Variants in R3HDM2 observed in about 807,000 individuals in gnomAD.
R3HDM2 encodes the protein R3H domain-containing protein 2.
Under a neutral mutation model 124.5 loss-of-function variants are expected in R3HDM2, and 38 were observed. The ratio of observed to expected loss-of-function variants is 0.31; its 90% CI spans 0.24 to 0.40. R3HDM2 has a LOEUF of 0.40. Among genes scored for constraint, R3HDM2 ranks in the 10% least tolerant of loss-of-function variants. The pLI is 1.00. For synonymous variants in R3HDM2, 391 were observed against 448.0 expected (o/e 0.87, Z 1.61); for missense variants, 869 against 1,236.9 (o/e 0.70, Z 4.46).
At chr12:57,413,881 C>T (rs1302975602) in intron 1 of R3HDM2, among the ~76,000 whole-genome samples, 3 of 132,756 alleles carry the variant, frequency 2.3e-5, no homozygotes, top group Non-Finnish European at 4.7e-5. Context: ...GAGTCTCACG[C>T]TGTCACCTAG....
chr12:57,342,242 T>C (rs1341771713), intron 2 of R3HDM2, among the ~76,000 whole-genome samples: 1 of 152,196 alleles, frequency 6.6e-6, no homozygotes, highest in Admixed American at 6.5e-5. Flanking sequence ...AGATCTGTTC[T>C]GCCGGAATTT....
At chr12:57,368,200 C>CT (rs2062882730) in intron 2 of R3HDM2, among the ~76,000 whole-genome samples, 1 of 151,872 alleles carries the variant, frequency 6.6e-6, no homozygotes, top group Admixed American at 6.6e-5. Context: ...CTTGGATCTA[C>CT]TTTTTAAAAA....
chr12:57,384,248 G>C (rs540968824), intron 2 of R3HDM2, among the ~76,000 whole-genome samples: 2 of 152,024 alleles, frequency 1.3e-5, no homozygotes, highest in African/African-American at 4.8e-5. Flanking sequence ...CAGCTACTCG[G>C]GAGGCTGAGG....
intron 2 of R3HDM2, among the ~76,000 whole-genome samples, chr12:57,391,113 T>C (rs1172572541): frequency 6.6e-6 from 1 of 151,960 alleles, no homozygotes; most frequent in Non-Finnish European, 1.5e-5. Flanking sequence ...TAAAAACTAA[T>C]AATTATACAA....
At chr12:57,401,478 G>C (rs2068046808) in intron 1 of R3HDM2, among the ~76,000 whole-genome samples, 1 of 152,174 alleles carries the variant, frequency 6.6e-6, no homozygotes, top group Admixed American at 6.6e-5. Flanking sequence ...GAACACAAAT[G>C]AGTGAGCCCA....
chr12:57,357,248 G>C (rs1185058096), intron 2 of R3HDM2, among the ~76,000 whole-genome samples: 1 of 152,100 alleles, frequency 6.6e-6, no homozygotes, highest in Admixed American at 6.6e-5. Context: ...AATCACCTGA[G>C]GTCAGGAATT....
At chr12:57,417,132 C>T (rs562355990) in intron 1 of R3HDM2, among the ~76,000 whole-genome samples, 2 of 147,302 alleles carry the variant, frequency 1.4e-5, no homozygotes, top group African/African-American at 2.5e-5. Flanking sequence ...ACAACAAAAA[C>T]AAAAAAAGCC....
At chr12:57,275,970 CACTTTG>C (rs1292516363) in intron 14 of R3HDM2, among the ~76,000 whole-genome samples, 1 of 152,156 alleles carries the variant, frequency 6.6e-6, no homozygotes, top group Non-Finnish European at 1.5e-5. Context: ...GTAATCCCAG[CACTTTG>C]GGAGGCCAAG....
intron 3 of R3HDM2, among the ~76,000 whole-genome samples, chr12:57,304,075 A>G (rs2051960523): frequency 6.6e-6 from 1 of 152,162 alleles, no homozygotes; most frequent in Admixed American, 6.5e-5. Context: ...AACTTGAGAT[A>G]CCCAAAATAT....
Position 57,283,947 on chromosome 12 carries a change from A to T in R3HDM2, c.1048T>A (p.Ser350Thr). ...ACAGGGGGTCGCATGCTCCGGACAG[A>T]GCCATCAGAGTCTGTGCTGCTCCAA... ...RPWSSTDSDG[S>T]VRSMRPPVTK... The change falls in exon 13 of 24, where the codon TCT becomes ACT. Residue 350 changes from serine to threonine, a missense_variant. By Grantham distance (58) the Ser-to-Thr change is moderately conservative. Around this residue, in one of 2 missense-constraint regions of R3HDM2, gnomAD observed 267 missense variants for 447.7 expected, o/e 0.60. Transcript: ENST00000402412. 6.2e-7 allele frequency: 1 copy of T among 1,614,128 alleles called. No homozygotes were observed. Among genetic ancestry groups the T allele is most frequent in the Middle Eastern group, 1.6e-4 (1 of 6,062 alleles).
At chr12:57,372,552 T>C (rs557369141) in intron 2 of R3HDM2, among the ~76,000 whole-genome samples, 1 of 152,242 alleles carries the variant, frequency 6.6e-6, no homozygotes, top group African/African-American at 2.4e-5. Context: ...AATCAAATAT[T>C]TTTCAGGAAT....
intron 2 of R3HDM2, among the ~76,000 whole-genome samples, chr12:57,371,368 A>C (rs1322050812): frequency 6.6e-6 from 1 of 152,122 alleles, no homozygotes; most frequent in African/African-American, 2.4e-5. Flanking sequence ...GAACGAAAAC[A>C]AAAAAGAAAC....
intron 14 of R3HDM2, among the ~76,000 whole-genome samples, chr12:57,274,490 C>T (rs1158252032): frequency 1.3e-5 from 2 of 152,178 alleles, no homozygotes; most frequent in African/African-American, 4.8e-5. Context: ...CAAAACAAAA[C>T]AAAACAAAAC....
chr12:57,430,592 C>G (rs1036313589), intron 1 of R3HDM2, 128 bp downstream of exon 1: 14 of 984,958 alleles, frequency 1.4e-5, no homozygotes, highest in South Asian at 1.4e-4. Context: ...CCATCGTCCC[C>G]GGGACCGGCT....
intron 2 of R3HDM2, among the ~76,000 whole-genome samples, chr12:57,337,970 T>A (rs558536802): frequency 6.6e-6 from 1 of 152,218 alleles, no homozygotes; most frequent in Non-Finnish European, 1.5e-5. Context: ...TTTTTAATTT[T>A]TATGATTAGA....
intron 2 of R3HDM2, among the ~76,000 whole-genome samples, chr12:57,345,902 G>A (rs1298790727): frequency 6.6e-6 from 1 of 152,146 alleles, no homozygotes; most frequent in African/African-American, 2.4e-5. Flanking sequence ...GCTCACGCCT[G>A]TAATCCCAGC....
intron 1 of R3HDM2, among the ~76,000 whole-genome samples, chr12:57,418,912 C>T (rs1304395602): frequency 6.6e-6 from 1 of 152,200 alleles, no homozygotes; most frequent in African/African-American, 2.4e-5. Context: ...GTGTCACTCC[C>T]TCTACTCTAA....
chr12:57,411,587 A>C (rs1225717284), intron 1 of R3HDM2, among the ~76,000 whole-genome samples: 1 of 152,226 alleles, frequency 6.6e-6, no homozygotes, highest in African/African-American at 2.4e-5. Flanking sequence ...CCTTCAGTGC[A>C]AAATATTTTT....
At chr12:57,298,472 A>C (rs1332843684) in intron 6 of R3HDM2, among the ~76,000 whole-genome samples, 1 of 152,208 alleles carries the variant, frequency 6.6e-6, no homozygotes, top group Non-Finnish European at 1.5e-5. Flanking sequence ...TTATTAAGGA[A>C]AATAAATTCC....
Sources: gnomAD v4.1 joint callset for allele counts (sites outside exome capture counted in the v4.1 genomes callset) on GRCh38, gnomAD v4.1.1 for gene constraint, gnomAD v4.1.1 regional missense constraint, MANE v1.5 for transcripts, NCBI Gene and HGNC (gene_info 2026-07-23, HGNC 2026-07-21) for gene names.